Variants in ADAMTS17 observed in about 807,000 individuals in gnomAD.
The protein encoded by ADAMTS17 is ADAM metallopeptidase with thrombospondin type 1 motif 17.
In ADAMTS17, 113 loss-of-function variants were observed where a neutral mutation model predicts 141.5. The ratio of observed to expected loss-of-function variants is 0.80; its 90% confidence interval spans 0.69 to 0.93. The LOEUF (loss-of-function observed/expected upper bound fraction) is 0.93. Among genes scored for constraint, ADAMTS17 ranks in the 40% least tolerant of loss-of-function variants. The pLI is 0.00. For missense variants in ADAMTS17, 1,659 were observed against 1,517.9 expected, an observed-to-expected ratio of 1.09 and a Z score of -1.54; for synonymous variants, 768 against 630.6, an observed-to-expected ratio of 1.22 and a Z score of -3.27.
At chr15:99,974,712 G>A in intron 21 of ADAMTS17, 150 bp from the exon 22 acceptor site, 2 of 1,066,536 alleles carry the variant, frequency 1.9e-6, no homozygotes, top group South Asian at 2.7e-5. Context: ...CATGCCTCCT[G>A]CCAGGGCACT....
intron 3 of ADAMTS17, among the ~76,000 whole-genome samples, chr15:100,330,100 A>C (rs955599483): frequency 2.0e-5 from 3 of 152,194 alleles, no homozygotes; most frequent in African/African-American, 7.2e-5. Flanking sequence ...TAGCCCCATG[A>C]AATGTCCTTA....
chr15:100,106,184 G>A (rs957950157), intron 14 of ADAMTS17, among the ~76,000 whole-genome samples: 3 of 152,144 alleles, frequency 2.0e-5, no homozygotes, highest in African/African-American at 7.2e-5. Flanking sequence ...TATGCCATGG[G>A]AGGACACAGA....
intron 3 of ADAMTS17, among the ~76,000 whole-genome samples, chr15:100,284,605 T>G (rs778870592): frequency 7.9e-5 from 12 of 152,104 alleles, no homozygotes; most frequent in Non-Finnish European, 1.5e-4. Flanking sequence ...GGTGGGAGGC[T>G]AGAGGGCACC....
At chr15:100,182,386 T>G (rs2040555562) in intron 8 of ADAMTS17, among the ~76,000 whole-genome samples, 1 of 152,096 alleles carries the variant, frequency 6.6e-6, no homozygotes, top group African/African-American at 2.4e-5. Flanking sequence ...CGATTACAAT[T>G]TGAAATGAGA....
At chr15:100,150,728 C>T (rs2141343623) in intron 10 of ADAMTS17, among the ~76,000 whole-genome samples, 1 of 152,312 alleles carries the variant, frequency 6.6e-6, no homozygotes, top group African/African-American at 2.4e-5. Flanking sequence ...CCCGCCACAT[C>T]TCACTGGCCC....
chr15:100,088,999 T>G (rs1225924241), intron 15 of ADAMTS17, among the ~76,000 whole-genome samples: 1 of 151,290 alleles, frequency 6.6e-6, no homozygotes, highest in Non-Finnish European at 1.5e-5. Context: ...GGGATCTAAT[T>G]CAACTGAAGA....
Position 99,973,048 on chromosome 15 carries a change from C to G in ADAMTS17, c.*1354G>C, listed in dbSNP as rs1426845469. On this transcript the variant is annotated 3_prime_UTR_variant, in exon 22 of 22. Transcript: ENST00000268070. Reference sequence around the variant, plus strand: ...CAAGTTGGTGAGCAAAACAGGCCTCCTGGCATCTAGGGTCCCTGCCCGGCC... The same window carrying G: ...CAAGTTGGTGAGCAAAACAGGCCTCGTGGCATCTAGGGTCCCTGCCCGGCC... 1 of 152,170 alleles carries G rather than the reference C, an allele frequency of 6.6e-6. No individual in the cohort carries two copies. The allele number at this position is 152,170 out of a possible 1,614,324, so 9.4% of individuals were successfully genotyped here.
At chr15:100,051,538 C>T (rs2032144202) in intron 17 of ADAMTS17, 34 bp downstream of exon 17, 3 of 1,612,332 alleles carry the variant, frequency 1.9e-6, no homozygotes, top group Non-Finnish European at 1.7e-6. Context: ...AGCAAAACCC[C>T]ACACCCAACA....
intron 8 of ADAMTS17, among the ~76,000 whole-genome samples, chr15:100,161,713 G>T (rs542606945): frequency 6.6e-6 from 1 of 152,176 alleles, no homozygotes; most frequent in Non-Finnish European, 1.5e-5. Context: ...TGTGCCCCCA[G>T]TCTTGAGCTA....
At chr15:100,177,908 T>A (rs1046058574) in intron 8 of ADAMTS17, among the ~76,000 whole-genome samples, 1 of 152,212 alleles carries the variant, frequency 6.6e-6, no homozygotes, top group Admixed American at 6.5e-5. Flanking sequence ...CATTATACAA[T>A]GTCCCTCTTT....
At chr15:100,216,512 A>G (rs1361613333) in intron 7 of ADAMTS17, among the ~76,000 whole-genome samples, 1 of 152,212 alleles carries the variant, frequency 6.6e-6, no homozygotes, top group East Asian at 1.9e-4. Flanking sequence ...GGGCCAGGAC[A>G]AGGTTGGCCA....
chr15:100,107,289 C>T (rs550418799), intron 14 of ADAMTS17, among the ~76,000 whole-genome samples: 39 of 152,264 alleles, frequency 2.6e-4, no homozygotes, highest in African/African-American at 8.7e-4. Flanking sequence ...ATCTGCTGTC[C>T]GCATGGGCAA....
At chr15:99,975,357 ACG>A (rs1567627865) in intron 21 of ADAMTS17, among the ~76,000 whole-genome samples, 2 of 151,734 alleles carry the variant, frequency 1.3e-5, no homozygotes, top group South Asian at 2.1e-4. Flanking sequence ...CTACAGGCAC[ACG>A]CCACCACGCC....
At chr15:100,197,717 T>C (rs2041173124) in intron 8 of ADAMTS17, among the ~76,000 whole-genome samples, 1 of 152,136 alleles carries the variant, frequency 6.6e-6, no homozygotes, top group African/African-American at 2.4e-5. Flanking sequence ...TCATTTCCAC[T>C]CTCTGTACCT....
intron 15 of ADAMTS17, among the ~76,000 whole-genome samples, chr15:100,071,576 C>T (rs1371868956): frequency 6.6e-6 from 1 of 150,576 alleles, no homozygotes; most frequent in East Asian, 1.9e-4. Context: ...AAGTTGGCTT[C>T]ATCCCTAGGA....
chr15:100,332,495 T>G (rs1226685303), intron 2 of ADAMTS17, among the ~76,000 whole-genome samples: 1 of 152,196 alleles, frequency 6.6e-6, no homozygotes, highest in Non-Finnish European at 1.5e-5. Flanking sequence ...GCTGCACTCA[T>G]TTGGAAACAC....
At chr15:100,255,956 G>A (rs1465662338) in intron 6 of ADAMTS17, among the ~76,000 whole-genome samples, 2 of 152,178 alleles carry the variant, frequency 1.3e-5, no homozygotes, top group Non-Finnish European at 2.9e-5. Context: ...CTCAGGGAGG[G>A]AGAGCCACAC....
At chr15:100,093,447 CAAGCAG>C in intron 15 of ADAMTS17, among the ~76,000 whole-genome samples, 1 of 152,252 alleles carries the variant, frequency 6.6e-6, no homozygotes, top group African/African-American at 2.4e-5. Flanking sequence ...TCTTTAGGGG[CAAGCAG>C]AGATGAAAGT....
Position 100,096,471 on chromosome 15 carries a change from G to A in ADAMTS17, c.2022C>T (p.Ile674=), listed in dbSNP as rs138584236. 38 of 1,613,972 alleles carry A rather than the reference G, an allele frequency of 2.4e-5. 1 individual carries two copies. Among genetic ancestry groups the A allele is most frequent in the African/African-American group, 1.9e-4 (14 of 74,914 alleles). ...CAGACCCGATGATGCCGTCACAGCC[G>A]ATTTTCTAAAGAACCAGAGGGCCTC... ...DLCVHGKCQK[I]GCDGIIGSAA... Residue 674 remains isoleucine (I), a synonymous_variant, in exon 15 of 22, where the codon ATC becomes ATT. Coordinates refer to ENST00000268070, the MANE Select transcript of ADAMTS17 (RefSeq NM_139057.4).
Sources: gnomAD v4.1 joint callset for allele counts (sites outside exome capture counted in the v4.1 genomes callset) on GRCh38, gnomAD v4.1.1 for gene constraint, MANE v1.5 for transcripts, NCBI Gene and HGNC (gene_info 2026-07-23, HGNC 2026-07-21) for gene names.